FRAS1: variants seen among roughly 807,000 people sequenced by gnomAD.
FRAS1 encodes the protein extracellular matrix organizing protein FRAS1.
A neutral mutation model predicts 435.2 loss-of-function variants in FRAS1; 290 were observed. The ratio of observed to expected loss-of-function variants is 0.67; its 90% CI spans 0.61 to 0.73. The LOEUF (loss-of-function observed/expected upper bound fraction) is 0.73, where lower values mean the gene tolerates loss of function less well. FRAS1 is among the 30% of genes least tolerant of loss of function. The pLI, the probability that FRAS1 is intolerant of heterozygous loss-of-function variation, is 0.00. For synonymous variants in FRAS1, 1,800 were observed against 1,851.0 expected, an observed-to-expected ratio of 0.97 and a Z score of 0.71; for missense variants, 4,860 against 5,001.5, an observed-to-expected ratio of 0.97 and a Z score of 0.85.
chr4:78,403,902 T>C (rs1255779492), intron 30 of FRAS1, among the ~76,000 whole-genome samples: 1 of 152,198 alleles, frequency 6.6e-6, no homozygotes, highest in Non-Finnish European at 1.5e-5. Context: ...CTGTTAAATA[T>C]CTCATGTAAC....
At chr4:78,219,357 A>G (rs1723944570) in intron 2 of FRAS1, among the ~76,000 whole-genome samples, 1 of 152,196 alleles carries the variant, frequency 6.6e-6, no homozygotes, top group African/African-American at 2.4e-5. Context: ...TAAAAATATT[A>G]AAACTTTTTT....
At chr4:78,437,466 T>C (rs17003217) in intron 38 of FRAS1, among the ~76,000 whole-genome samples, 4,615 of 152,360 alleles carry the variant, frequency 0.03, 259 homozygotes, top group African/African-American at 0.1. Context: ...GCAGCTTTGA[T>C]GAATTTTAGA....
At chr4:78,198,240 A>G (rs951333885) in intron 2 of FRAS1, among the ~76,000 whole-genome samples, 2 of 152,192 alleles carry the variant, frequency 1.3e-5, no homozygotes, top group African/African-American at 4.8e-5. Context: ...CCCCCCTGAC[A>G]GCCTTCAGTC....
At chr4:78,470,200 C>T in intron 51 of FRAS1, 109 bp downstream of exon 51, 1 of 677,544 alleles carries the variant, frequency 1.5e-6, no homozygotes, top group Non-Finnish European at 2.5e-6. Context: ...GTTTATCCCT[C>T]CCTAAATAAA....
At chr4:78,219,396 A>C (rs1360725573) in intron 2 of FRAS1, among the ~76,000 whole-genome samples, 1 of 152,218 alleles carries the variant, frequency 6.6e-6, no homozygotes, top group African/African-American at 2.4e-5. Context: ...TTATCTGCTT[A>C]TAAACAGTGG....
At chr4:78,270,735 G>A (rs890825467) in intron 9 of FRAS1, among the ~76,000 whole-genome samples, 8 of 151,978 alleles carry the variant, frequency 5.3e-5, no homozygotes, top group Non-Finnish European at 8.8e-5. Flanking sequence ...TACATTACAT[G>A]CATATCAACT....
intron 9 of FRAS1, among the ~76,000 whole-genome samples, chr4:78,274,736 A>G (rs1379139820): frequency 6.6e-6 from 1 of 152,148 alleles, no homozygotes; most frequent in Admixed American, 6.5e-5. Flanking sequence ...ACTTCCAACT[A>G]TGTGGTTAAT....
chr4:78,100,787 C>T (rs1034556106), intron 2 of FRAS1, among the ~76,000 whole-genome samples: 2 of 152,090 alleles, frequency 1.3e-5, no homozygotes, highest in Non-Finnish European at 2.9e-5. Flanking sequence ...AGCTTACAAA[C>T]ATCTTTGAGG....
intron 3 of FRAS1, among the ~76,000 whole-genome samples, chr4:78,240,152 A>C (rs1215926512): frequency 6.6e-6 from 1 of 152,008 alleles, no homozygotes; most frequent in Admixed American, 6.6e-5. Flanking sequence ...TGTAGTATGG[A>C]GTTTGGAATT....
intron 65 of FRAS1, among the ~76,000 whole-genome samples, chr4:78,514,500 T>C (rs1166125153): frequency 1.3e-5 from 2 of 152,258 alleles, no homozygotes; most frequent in Non-Finnish European, 2.9e-5. Context: ...CATGATGGTC[T>C]TTATACAGTA....
chr4:78,453,770 C>T (rs1262928518), intron 47 of FRAS1, among the ~76,000 whole-genome samples: 1 of 148,030 alleles, frequency 6.8e-6, no homozygotes, highest in Non-Finnish European at 1.5e-5. Context: ...TGCACTGCAG[C>T]TTGGTGACAG....
intron 14 of FRAS1, among the ~76,000 whole-genome samples, chr4:78,303,348 T>C (rs1395104260): frequency 6.6e-6 from 1 of 152,220 alleles, no homozygotes; most frequent in Non-Finnish European, 1.5e-5. Flanking sequence ...GAGGCTCTTT[T>C]TTGGTTCCAT....
At chr4:78,120,885 G>A (rs1215569112) in intron 2 of FRAS1, among the ~76,000 whole-genome samples, 1 of 152,160 alleles carries the variant, frequency 6.6e-6, no homozygotes, top group Non-Finnish European at 1.5e-5. Context: ...ATACAGGTGG[G>A]GGGGATGGAG....
At chr4:78,413,478 A>G (rs941235007) in intron 32 of FRAS1, among the ~76,000 whole-genome samples, 3 of 152,176 alleles carry the variant, frequency 2.0e-5, no homozygotes, top group Non-Finnish European at 2.9e-5. Context: ...TAGAAGCCCT[A>G]TGAGAAGCTT....
chr4:78,535,758 G>A (rs1238586281), intron 71 of FRAS1, among the ~76,000 whole-genome samples: 1 of 152,164 alleles, frequency 6.6e-6, no homozygotes, highest in Non-Finnish European at 1.5e-5. Context: ...CATTTGCCAT[G>A]TTTCTAAGGC....
chr4:78,496,316 G>A (rs80142980), intron 59 of FRAS1, among the ~76,000 whole-genome samples: 1,739 of 152,224 alleles, frequency 0.011, 29 homozygotes, highest in African/African-American at 0.04. Context: ...GCATTTAAAG[G>A]TATCTTTAGC....
chr4:78,216,032 C>A (rs1376834365), intron 2 of FRAS1, among the ~76,000 whole-genome samples: 2 of 152,188 alleles, frequency 1.3e-5, no homozygotes, highest in Non-Finnish European at 2.9e-5. Context: ...TATTGTAGAA[C>A]CTGTAATACT....
At chr4:78,310,934 T>A (rs538621129) in intron 15 of FRAS1, among the ~76,000 whole-genome samples, 1 of 152,330 alleles carries the variant, frequency 6.6e-6, no homozygotes, top group South Asian at 2.1e-4. Flanking sequence ...TAGCCTGTTA[T>A]GAAGGGTGGT....
chr4:78,316,392 T>G (rs553577261), intron 16 of FRAS1, among the ~76,000 whole-genome samples: 1 of 152,322 alleles, frequency 6.6e-6, no homozygotes, highest in South Asian at 2.1e-4. Context: ...CTACCTACTG[T>G]CTGTTAGTGC....
Sources: gnomAD v4.1 joint callset for allele counts (sites outside exome capture counted in the v4.1 genomes callset) on GRCh38, gnomAD v4.1.1 for gene constraint, MANE v1.5 for transcripts, NCBI Gene and HGNC (gene_info 2026-07-23, HGNC 2026-07-21) for gene names.